The following TUBGCP4 variants were observed in gnomAD, a reference collection of about 807,000 sequenced individuals.
TUBGCP4 encodes the protein tubulin gamma complex component 4.
Under a neutral mutation model 91.6 loss-of-function variants are expected in TUBGCP4, and 54 were observed. The ratio of observed to expected loss-of-function variants is 0.59; its 90% CI spans 0.47 to 0.74. The LOEUF (loss-of-function observed/expected upper bound fraction) is 0.74. Ranked by LOEUF, TUBGCP4 falls within the 30% of genes least tolerant of loss-of-function variation. The probability of loss-of-function intolerance (pLI) is 0.00; values close to 1 mark genes in which losing one functional copy is unlikely to be tolerated. For missense variants in TUBGCP4, 593 were observed against 800.9 expected, an observed-to-expected ratio of 0.74 and a Z score of 3.13; for synonymous variants, 297 against 302.8, an observed-to-expected ratio of 0.98 and a Z score of 0.20.
Position 43,377,009 on chromosome 15 carries a change from T to G in TUBGCP4, c.331-5T>G, listed in dbSNP as rs1322264782. 6 of 1,612,886 alleles carry G rather than the reference T, an allele frequency of 3.7e-6. No individual in the cohort carries two copies. Among genetic ancestry groups the G allele is most frequent in the Non-Finnish European group, 5.1e-6 (6 of 1,178,984 alleles). ...GAGCTCTAATCACAAAGTTTTTTAT[T>G]GCAGTTCCTGGGTGATCCCCATCTC... is the stretch of plus-strand genomic sequence containing the variant. On this transcript the variant is annotated splice_polypyrimidine_tract_variant and splice_region_variant and intron_variant, in intron 3 of 17. Transcript: ENST00000564079.
chr15:43,390,728 C>T (rs926620136), intron 9 of TUBGCP4, among the ~76,000 whole-genome samples: 7 of 152,008 alleles, frequency 4.6e-5, no homozygotes, highest in East Asian at 3.9e-4. Context: ...AGGCTGGTCT[C>T]GAACTCCTGA....
At chr15:43,401,002 C>G (rs1378230372) in intron 14 of TUBGCP4, among the ~76,000 whole-genome samples, 1 of 152,076 alleles carries the variant, frequency 6.6e-6, no homozygotes, top group Admixed American at 6.5e-5. Flanking sequence ...ACCACCGCCA[C>G]ACCAGCCTCT....
chr15:43,395,274 T>TGGATAAGAACAAATGA, intron 10 of TUBGCP4, 117 bp downstream of exon 10: 1 of 1,171,452 alleles, frequency 8.5e-7, no homozygotes, highest in Non-Finnish European at 1.3e-6. Context: ...TCAACTCATT[T>TGGATAAGAACAAATGA]GTTCTTATCC....
rs966176728 is a variant in TUBGCP4 at position 43,383,184 on chromosome 15, C to T, written c.522-119C>T. 1.0e-5 allele frequency: 8 copies of T among 764,264 alleles called. No homozygotes were observed. In the African/African-American group the frequency reaches 1.2e-4, roughly 12 times the overall value. The allele number at this position is 764,264 out of a possible 1,614,324, so 47.3% of individuals were successfully genotyped here. A position where few individuals can be genotyped will look rare whatever the true frequency, so the allele number is the denominator to read the frequency against. On this transcript the variant is annotated intron_variant, in intron 6 of 17. Transcript: ENST00000564079. The stretch of plus-strand genomic sequence containing the variant: ...CACCCACATTTAAATTAAAATAGCA[C>T]AATTATTTTTAACTTAATTGGTTAT...
intron 11 of TUBGCP4, among the ~76,000 whole-genome samples, chr15:43,396,631 A>G (rs544457168): frequency 1.6e-3 from 239 of 152,354 alleles, no homozygotes; most frequent in African/African-American, 5.3e-3. Context: ...ATTGATTCTC[A>G]TAACTGAAAA....
rs2044115598 is a variant in TUBGCP4 at position 43,371,321 on chromosome 15, TGA to T, written c.-33_-32del. 15 of 1,604,452 alleles carry T rather than the reference TGA, an allele frequency of 9.3e-6. No homozygotes were observed. The highest frequency in any genetic ancestry group is 2.7e-5 in the African/African-American group (2 of 74,352). On this transcript the variant is annotated 5_prime_UTR_variant, in exon 1 of 18. Transcript: ENST00000564079. ...CCTGGAGGTGCGCTGGAGGAGGGGG[TGA>T]CATAACCAGGGACTCGAGGTCCGCC...
chr15:43,376,285 C>T, intron 2 of TUBGCP4, 59 bp downstream of exon 2: 1 of 1,609,268 alleles, frequency 6.2e-7, no homozygotes, highest in Non-Finnish European at 8.5e-7. Flanking sequence ...GTCAAGCTTT[C>T]ACCTCTAGAG....
chr15:43,408,911 T>C lies in TUBGCP4; in HGVS notation c.*3697T>C, dbSNP rs375326449. On this transcript the variant is annotated 3_prime_UTR_variant, in exon 18 of 18. Transcript: ENST00000564079. ...CAAATACTTACCAGTCCAGAATTCT[T>C]TGCTCCTCAAGGCTGTACCCAGCTG... 1.5e-3 allele frequency: 2,383 copies of C among 1,614,158 alleles called. 50 individuals are homozygous for C. The South Asian group carries it at 0.025, about 17-fold the overall frequency.
intron 13 of TUBGCP4, among the ~76,000 whole-genome samples, chr15:43,399,424 C>T (rs1173681548): frequency 1.3e-5 from 2 of 152,170 alleles, no homozygotes; most frequent in African/African-American, 4.8e-5. Context: ...CAGCACACTG[C>T]AGCCTTGAAC....
In TUBGCP4 at chr15:43,371,134, G is replaced by T. The variant is rs762288472; in HGVS notation, c.-221G>T. ...CAGAGCCCGGGCGGGAGTAGCTGGT[G>T]GACCCCGTTGAGCTGCCGAACTTCC... On this transcript the variant is annotated 5_prime_UTR_variant, in exon 1 of 18. Transcript: ENST00000564079. 7.1e-4 allele frequency: 430 copies of T among 602,222 alleles called. 3 individuals carry two copies. The highest frequency in any genetic ancestry group is 2.7e-3 in the South Asian group (145 of 54,394). 37.3% of individuals were successfully genotyped at this position (602,222 alleles called of 1,614,324 possible). A position where few individuals can be genotyped will look rare whatever the true frequency, so the allele number is the denominator to read the frequency against.
In TUBGCP4 at chr15:43,408,203, C is replaced by T; in HGVS notation, c.*2989C>T. 12 of 1,073,208 alleles carry T rather than the reference C, an allele frequency of 1.1e-5. No homozygotes were observed. The highest frequency in any genetic ancestry group is 2.4e-5 in the Admixed American group (1 of 41,252). The allele number at this position is 1,073,208 out of a possible 1,614,324, so 66.5% of individuals were successfully genotyped here. On this transcript the variant is annotated 3_prime_UTR_variant, in exon 18 of 18. Transcript: ENST00000564079. ...TTTCAAAAATAAATGCCCCATCAGACATAGTGTCTCAAGCCTGTAATCCCA... is the reference window on the plus strand; with the variant it reads ...TTTCAAAAATAAATGCCCCATCAGATATAGTGTCTCAAGCCTGTAATCCCA...
chr15:43,400,966 C>G (rs1359401920), intron 14 of TUBGCP4, among the ~76,000 whole-genome samples: 1 of 151,956 alleles, frequency 6.6e-6, no homozygotes, highest in Non-Finnish European at 1.5e-5. Context: ...CCTTTGCCTC[C>G]CAAAGTGCTG....
At chr15:43,393,105 C>A (rs1276807636) in intron 9 of TUBGCP4, among the ~76,000 whole-genome samples, 3 of 152,134 alleles carry the variant, frequency 2.0e-5, no homozygotes, top group East Asian at 3.8e-4. Context: ...ACCCATGTTG[C>A]ATTTATCAAT....
At chr15:43,372,883 C>T (rs2044145265) in intron 1 of TUBGCP4, among the ~76,000 whole-genome samples, 1 of 152,148 alleles carries the variant, frequency 6.6e-6, no homozygotes, top group Non-Finnish European at 1.5e-5. Context: ...TAGCCTTTCT[C>T]CCGCATAGAT....
intron 3 of TUBGCP4, 70 bp downstream of exon 3, chr15:43,376,695 C>G: frequency 6.2e-7 from 1 of 1,600,372 alleles, no homozygotes; most frequent in South Asian, 1.1e-5. Context: ...ATCTGAAATG[C>G]CCTTTGATAA....
At chr15:43,386,774 T>C (rs1024221943) in intron 9 of TUBGCP4, among the ~76,000 whole-genome samples, 1 of 151,640 alleles carries the variant, frequency 6.6e-6, no homozygotes, top group Non-Finnish European at 1.5e-5. Context: ...TGACTTTTGT[T>C]TTTATCTTGA....
At chr15:43,393,577 C>T (rs1299664620) in intron 9 of TUBGCP4, among the ~76,000 whole-genome samples, 1 of 152,038 alleles carries the variant, frequency 6.6e-6, no homozygotes, top group Admixed American at 6.6e-5. Flanking sequence ...GGTATATCTC[C>T]TAATGCTATC....
Position 43,376,208 on chromosome 15 carries a change from G to C in TUBGCP4, c.189G>C (p.Thr63=). 6.2e-7 allele frequency: 1 copy of C among 1,613,748 alleles called. No individual in the cohort carries two copies. Among genetic ancestry groups the C allele is most frequent in the African/African-American group, 1.3e-5 (1 of 74,828 alleles). The change falls in exon 2 of 18, where the codon ACG becomes ACC. Residue 63 remains threonine, a synonymous_variant. Transcript: ENST00000564079. ...IRFTEFIEQY[T]GHVQQQDHHP... ...TCACTGAGTTCATTGAACAGTACAC[G>C]GGCCATGTGCAACAGCAGGTGGGTC...
chr15:43,382,977 T>A (rs937887722), intron 6 of TUBGCP4, among the ~76,000 whole-genome samples: 1 of 152,206 alleles, frequency 6.6e-6, no homozygotes, highest in Non-Finnish European at 1.5e-5. Flanking sequence ...ATTTTTAAAA[T>A]TTTTTATTAT....
Sources: allele counts gnomAD v4.1 joint callset (sites outside exome capture counted in the v4.1 genomes callset), GRCh38; gene constraint gnomAD v4.1.1; transcripts MANE v1.5; gene names NCBI Gene and HGNC (gene_info 2026-07-23, HGNC 2026-07-21).